Variants in EPHB1 observed in about 807,000 individuals in gnomAD.
EPHB1 encodes ephrin type-B receptor 1.
In EPHB1, 30 loss-of-function variants were observed where a neutral mutation model predicts 94.4. The observed-to-expected ratio is 0.32, with a 90% CI of 0.24 to 0.43. The LOEUF is 0.43. Ranked by LOEUF, EPHB1 falls within the 20% of genes least tolerant of loss-of-function variation. The pLI is 1.00. For synonymous variants in EPHB1, 522 were observed against 489.1 expected (o/e 1.07, Z -0.89); for missense variants, 1,055 against 1,308.3 (o/e 0.81, Z 2.99).
intron 1 of EPHB1, among the ~76,000 whole-genome samples, chr3:134,819,858 T>C (rs1434442630): frequency 1.3e-5 from 2 of 152,224 alleles, no homozygotes; most frequent in Non-Finnish European, 2.9e-5. Flanking sequence ...CCATACTTCT[T>C]GCTCTTCTGC....
At chr3:135,110,266 C>A (rs1939388546) in intron 4 of EPHB1, among the ~76,000 whole-genome samples, 1 of 152,122 alleles carries the variant, frequency 6.6e-6, no homozygotes, top group Non-Finnish European at 1.5e-5. Context: ...TCTTTTATTT[C>A]TTCTTCAAAT....
chr3:135,056,250 T>A (rs944919527), intron 3 of EPHB1, among the ~76,000 whole-genome samples: 1 of 152,240 alleles, frequency 6.6e-6, no homozygotes, highest in African/African-American at 2.4e-5. Context: ...GGCTCCCTTC[T>A]GTGGAGCTGG....
intron 1 of EPHB1, among the ~76,000 whole-genome samples, chr3:134,883,811 G>T (rs560419708): frequency 6.6e-6 from 1 of 152,340 alleles, no homozygotes; most frequent in Admixed American, 6.5e-5. Context: ...GACTCAGAGG[G>T]CAGATACTGC....
At chr3:135,082,927 C>T (rs529135396) in intron 3 of EPHB1, among the ~76,000 whole-genome samples, 3 of 152,058 alleles carry the variant, frequency 2.0e-5, no homozygotes, top group Non-Finnish European at 4.4e-5. Context: ...ATGGGACGTT[C>T]TGTAGTTGAG....
chr3:134,937,842 G>A (rs1468633233), intron 2 of EPHB1, among the ~76,000 whole-genome samples: 2 of 151,828 alleles, frequency 1.3e-5, no homozygotes, highest in East Asian at 3.9e-4. Flanking sequence ...CATGTGTGAG[G>A]CACTGCAATA....
At chr3:135,129,403 A>G (rs1432408882) in intron 4 of EPHB1, among the ~76,000 whole-genome samples, 2 of 151,912 alleles carry the variant, frequency 1.3e-5, no homozygotes, top group African/African-American at 2.4e-5. Context: ...TCAGAGTAAC[A>G]AGCAGTGGGT....
At chr3:134,879,177 T>C (rs1291612552) in intron 1 of EPHB1, among the ~76,000 whole-genome samples, 1 of 152,138 alleles carries the variant, frequency 6.6e-6, no homozygotes, top group Non-Finnish European at 1.5e-5. Context: ...TGGAGTGGCA[T>C]ATCCAAGGTG....
At chr3:135,024,773 A>T (rs553643609) in intron 3 of EPHB1, among the ~76,000 whole-genome samples, 2 of 151,972 alleles carry the variant, frequency 1.3e-5, no homozygotes, top group African/African-American at 4.8e-5. Context: ...AACACTTCCT[A>T]TCTGTTTCTT....
At chr3:134,816,883 C>CT (rs1421483501) in intron 1 of EPHB1, among the ~76,000 whole-genome samples, 1 of 152,024 alleles carries the variant, frequency 6.6e-6, no homozygotes, top group African/African-American at 2.4e-5. Context: ...GCAGGGCTTC[C>CT]TGGGGCACTC....
chr3:134,970,886 T>C (rs1048065716), intron 3 of EPHB1, among the ~76,000 whole-genome samples: 3 of 152,312 alleles, frequency 2.0e-5, no homozygotes, highest in Middle Eastern at 3.4e-3. Flanking sequence ...ACATAAGCAA[T>C]TAAACCATTT....
At chr3:135,234,498 A>G (rs1943602501) in intron 12 of EPHB1, among the ~76,000 whole-genome samples, 1 of 152,232 alleles carries the variant, frequency 6.6e-6, no homozygotes, top group Admixed American at 6.5e-5. Flanking sequence ...ACTCAGTTCC[A>G]AAGTCACTAC....
intron 6 of EPHB1, among the ~76,000 whole-genome samples, chr3:135,155,931 T>G (rs543481709): frequency 5.3e-5 from 8 of 151,646 alleles, no homozygotes; most frequent in Non-Finnish European, 1.2e-4. Flanking sequence ...AAACAGAGCC[T>G]AGTAGATCTA....
chr3:135,103,901 C>A (rs530486026), intron 3 of EPHB1, among the ~76,000 whole-genome samples: 1 of 152,334 alleles, frequency 6.6e-6, no homozygotes, highest in East Asian at 1.9e-4. Flanking sequence ...CCATCAGAAA[C>A]CTCAGAGGAG....
At chr3:134,979,783 G>A (rs182673024) in intron 3 of EPHB1, among the ~76,000 whole-genome samples, 42 of 151,424 alleles carry the variant, frequency 2.8e-4, no homozygotes, top group Admixed American at 1.4e-3. Context: ...GTCTGTTGAT[G>A]ATTTTCTTTG....
At chr3:134,979,141 G>C (rs1033028699) in intron 3 of EPHB1, among the ~76,000 whole-genome samples, 1 of 152,206 alleles carries the variant, frequency 6.6e-6, no homozygotes, top group Non-Finnish European at 1.5e-5. Flanking sequence ...CTTATATTTA[G>C]AATGGTACAG....
intron 12 of EPHB1, among the ~76,000 whole-genome samples, chr3:135,206,849 CAA>C (rs917102216): frequency 1.3e-5 from 2 of 148,768 alleles, no homozygotes; most frequent in African/African-American, 4.9e-5. Flanking sequence ...AGCCCCATCT[CAA>C]AAAAAAAGTG....
intron 1 of EPHB1, among the ~76,000 whole-genome samples, chr3:134,839,317 A>G (rs552973301): frequency 1.3e-5 from 2 of 152,236 alleles, no homozygotes; most frequent in South Asian, 4.2e-4. Flanking sequence ...GCTGCTGCTT[A>G]TTTCCATGTA....
intron 1 of EPHB1, among the ~76,000 whole-genome samples, chr3:134,844,534 C>T (rs1340005645): frequency 6.6e-6 from 1 of 152,188 alleles, no homozygotes; most frequent in African/African-American, 2.4e-5. Flanking sequence ...GATACTGCTG[C>T]CGGATATGGC....
chr3:134,810,028 A>G (rs552769960), intron 1 of EPHB1, among the ~76,000 whole-genome samples: 46 of 152,338 alleles, frequency 3.0e-4, no homozygotes, highest in Admixed American at 9.1e-4. Flanking sequence ...GTCCTTGCTC[A>G]CATACTGCAT....
Sources: gnomAD v4.1 joint callset for allele counts (sites outside exome capture counted in the v4.1 genomes callset) on GRCh38, gnomAD v4.1.1 for gene constraint, MANE v1.5 for transcripts, NCBI Gene and HGNC (gene_info 2026-07-23, HGNC 2026-07-21) for gene names.